The following SUMF1 variants were observed in gnomAD, a reference collection of about 807,000 sequenced individuals.
SUMF1 encodes formylglycine-generating enzyme.
In SUMF1, 48 loss-of-function variants were observed where a neutral mutation model predicts 47.6. The ratio of observed to expected loss-of-function variants is 1.01; its 90% confidence interval spans 0.80 to 1.28. The LOEUF is 1.28. Among genes scored for constraint, SUMF1 ranks in the 50% most tolerant of loss-of-function variants. The pLI, the probability that SUMF1 is intolerant of heterozygous loss-of-function variation, is 0.00. For synonymous variants in SUMF1, 230 were observed against 192.1 expected, an observed-to-expected ratio of 1.20 and a Z score of -1.63; for missense variants, 571 against 485.4, an observed-to-expected ratio of 1.18 and a Z score of -1.66.
rs1173535842 is a variant in SUMF1, at chr3:4,211,189, CATATACATACATACATATAT to C, written c.1015-142464_1015-142445del. 4.9e-4 allele frequency among the ~76,000 whole-genome samples: 30 copies of C among 61,056 alleles called. 1 individual carries two copies. Among genetic ancestry groups the C allele is most frequent in the African/African-American group, 2.0e-3 (28 of 14,164 alleles). 40.1% of individuals were successfully genotyped at this position (61,056 alleles called of 152,430 possible). On this transcript the variant is annotated intron_variant and NMD_transcript_variant, in intron 8 of 12. Coordinates refer to the SUMF1 transcript ENST00000448413. ...ATATACACACATATATATACATATA[CATATACATACATACATATAT>C]ATATATATATATATATATCCTATTA...
In SUMF1 at chr3:4,085,036, A is replaced by G. The variant is rs376169066; in HGVS notation, c.1015-16291T>C. Among the ~76,000 whole-genome samples, 70 of 152,208 alleles carry G rather than the reference A, an allele frequency of 4.6e-4. 3 individuals carry two copies. The East Asian group carries it at 9.7e-3, about 21-fold the overall frequency. On this transcript the variant is annotated intron_variant and NMD_transcript_variant, in intron 8 of 12. Transcript: ENST00000448413. ...TAGATGATGTCTATCTACTCTATGC[A>G]TATTAAAATAGAAGACCCATCCTAT...
chr3:4,327,275 C>T (rs1698965125), intron 8 of SUMF1, among the ~76,000 whole-genome samples: 3 of 152,194 alleles, frequency 2.0e-5, no homozygotes, highest in Non-Finnish European at 4.4e-5. Context: ...AACACATTAG[C>T]TCTCCAGTGA....
rs571990452 is a variant in SUMF1, at chr3:4,104,632, G to A, written c.1015-35887C>T. 2.0e-5 allele frequency among the ~76,000 whole-genome samples: 3 copies of A among 151,872 alleles called. No homozygotes were observed. The South Asian group carries it at 6.3e-4, about 32-fold the overall frequency. The stretch of plus-strand genomic sequence containing the variant: ...CTCAGGTTGGTGTCCTGTACTAAAG[G>A]TGGAGGATCTAGAGGATCCTAGTAA... On this transcript the variant is annotated intron_variant and NMD_transcript_variant, in intron 8 of 12. Transcript: ENST00000448413.
chr3:4,164,506 G>A (rs1312803297), intron 8 of SUMF1, among the ~76,000 whole-genome samples: 2 of 152,128 alleles, frequency 1.3e-5, no homozygotes, highest in Non-Finnish European at 2.9e-5. Flanking sequence ...ATGGGCGAGG[G>A]GGCAGCTTGT....
At chr3:4,192,046 C>T (rs1020496338) in intron 8 of SUMF1, among the ~76,000 whole-genome samples, 3 of 151,942 alleles carry the variant, frequency 2.0e-5, no homozygotes, top group Non-Finnish European at 2.9e-5. Flanking sequence ...ACAAAAATGG[C>T]ATTAGAGACT....
At chr3:4,287,164 T>C (rs1243074414) in intron 8 of SUMF1, among the ~76,000 whole-genome samples, 3 of 152,152 alleles carry the variant, frequency 2.0e-5, no homozygotes, top group Admixed American at 6.5e-5. Context: ...TAATTCCTAA[T>C]ATGTTAAATA....
At chr3:4,295,114 G>C (rs185369270) in intron 8 of SUMF1, among the ~76,000 whole-genome samples, 20 of 152,098 alleles carry the variant, frequency 1.3e-4, no homozygotes, top group Admixed American at 6.5e-4. Context: ...GTTAGTCTTG[G>C]GCAACTGAGT....
intron 8 of SUMF1, among the ~76,000 whole-genome samples, chr3:4,112,689 G>A (rs1237352497): frequency 6.6e-6 from 1 of 152,100 alleles, no homozygotes; most frequent in Admixed American, 6.5e-5. Flanking sequence ...AAAGGGGCAA[G>A]GGAAATGGTT....
chr3:4,069,523 T>A (rs1695467007), intron 8 of SUMF1, among the ~76,000 whole-genome samples: 1 of 152,174 alleles, frequency 6.6e-6, no homozygotes, highest in South Asian at 2.1e-4. Flanking sequence ...ATGTGCCCTC[T>A]TCCATTTCTT....
chr3:4,052,213 G>T (rs909802637), intron 9 of SUMF1, among the ~76,000 whole-genome samples: 3 of 152,034 alleles, frequency 2.0e-5, no homozygotes, highest in African/African-American at 7.2e-5. Flanking sequence ...TGATGGACGG[G>T]GCAAGGCAGC....
intron 8 of SUMF1, among the ~76,000 whole-genome samples, chr3:4,148,033 T>G (rs559639141): frequency 6.6e-6 from 1 of 152,248 alleles, no homozygotes; most frequent in Admixed American, 6.5e-5. Flanking sequence ...TTGGCACATT[T>G]TAAAAAAATG....
intron 8 of SUMF1, among the ~76,000 whole-genome samples, chr3:4,100,358 T>C (rs1032535018): frequency 4.0e-5 from 6 of 151,748 alleles, no homozygotes; most frequent in African/African-American, 1.5e-4. Context: ...ACCAAAGGAA[T>C]AGGATAGAGA....
chr3:4,397,210 T>A (rs1366756293), intron 7 of SUMF1, among the ~76,000 whole-genome samples: 2 of 152,248 alleles, frequency 1.3e-5, no homozygotes, highest in Non-Finnish European at 2.9e-5. Context: ...TGTTTTATCC[T>A]AAGCAATGCA....
intron 8 of SUMF1, among the ~76,000 whole-genome samples, chr3:4,258,959 T>C (rs1697020851): frequency 6.8e-6 from 1 of 147,998 alleles, no homozygotes; most frequent in East Asian, 1.9e-4. Context: ...TCATGTCCTT[T>C]GTAGGGACAT....
intron 8 of SUMF1, among the ~76,000 whole-genome samples, chr3:4,299,302 T>C (rs1211944345): frequency 6.6e-6 from 1 of 152,192 alleles, no homozygotes; most frequent in African/African-American, 2.4e-5. Flanking sequence ...CTGTGTGGAC[T>C]GCAAGCACTA....
intron 8 of SUMF1, among the ~76,000 whole-genome samples, chr3:4,326,502 C>T (rs1698947554): frequency 7.3e-6 from 1 of 136,304 alleles, no homozygotes; most frequent in African/African-American, 3.0e-5. Flanking sequence ...AAACAATGTA[C>T]AAGGCCAGTT....
intron 8 of SUMF1, among the ~76,000 whole-genome samples, chr3:4,182,116 T>C (rs1399514629): frequency 1.3e-5 from 2 of 152,186 alleles, no homozygotes; most frequent in Non-Finnish European, 2.9e-5. Flanking sequence ...TAGAGATTCC[T>C]ATTCAAGAGT....
chr3:4,177,945 A>T (rs1646781825), intron 8 of SUMF1, among the ~76,000 whole-genome samples: 1 of 152,182 alleles, frequency 6.6e-6, no homozygotes, highest in African/African-American at 2.4e-5. Context: ...ATCTAGAAGA[A>T]ATGGATAAAT....
At chr3:4,102,913 C>G (rs1489472183) in intron 8 of SUMF1, among the ~76,000 whole-genome samples, 1 of 148,732 alleles carries the variant, frequency 6.7e-6, no homozygotes, top group Non-Finnish European at 1.5e-5. Context: ...GATAGATGAA[C>G]AGAAACTTCT....
Sources: gnomAD v4.1 joint callset for allele counts (sites outside exome capture counted in the v4.1 genomes callset) on GRCh38, gnomAD v4.1.1 for gene constraint, MANE v1.5 for transcripts, NCBI Gene and HGNC (gene_info 2026-07-23, HGNC 2026-07-21) for gene names.